PLD5: variants seen among roughly 807,000 people sequenced by gnomAD.
The protein encoded by PLD5 is inactive phospholipase D5.
PLD5 carries 36 observed loss-of-function variants against 61.1 expected under a neutral mutation model. That is an observed-to-expected ratio of 0.59 (90% CI 0.45 to 0.78). The LOEUF (loss-of-function observed/expected upper bound fraction) is 0.78. Ranked by LOEUF, PLD5 falls within the 30% of genes least tolerant of loss-of-function variation. The probability of loss-of-function intolerance (pLI) is 0.00; values close to 1 mark genes in which losing one functional copy is unlikely to be tolerated. For missense variants in PLD5, 515 were observed against 644.4 expected, an observed-to-expected ratio of 0.80 and a Z score of 2.17; for synonymous variants, 243 against 242.8, an observed-to-expected ratio of 1.00 and a Z score of -0.01.
intron 1 of PLD5, among the ~76,000 whole-genome samples, chr1:242,512,876 C>G (rs60152587): frequency 7.5e-6 from 1 of 132,482 alleles, no homozygotes; most frequent in Non-Finnish European, 1.6e-5. Flanking sequence ...TTTATTTTTT[C>G]TTTTTTTTTT....
chr1:242,402,288 A>C (rs12058614), intron 1 of PLD5, among the ~76,000 whole-genome samples: 13,329 of 152,266 alleles, frequency 0.088, 682 homozygotes, highest in Middle Eastern at 0.19. Context: ...CAAGTAAGAC[A>C]CTTTTTATTT....
intron 5 of PLD5, among the ~76,000 whole-genome samples, chr1:242,184,690 A>G (rs1667759755): frequency 6.6e-6 from 1 of 152,186 alleles, no homozygotes; most frequent in Admixed American, 6.5e-5. Flanking sequence ...TGACTCTGAG[A>G]AGTTAAGATT....
chr1:242,301,765 CATT>C (rs543604489), intron 2 of PLD5, among the ~76,000 whole-genome samples: 26 of 141,032 alleles, frequency 1.8e-4, no homozygotes, highest in South Asian at 6.9e-4. Flanking sequence ...TTTTTTAAAA[CATT>C]ATTATTATTA....
intron 1 of PLD5, among the ~76,000 whole-genome samples, chr1:242,475,387 C>T (rs1667561999): frequency 1.5e-5 from 2 of 134,546 alleles, no homozygotes; most frequent in Non-Finnish European, 3.1e-5. Flanking sequence ...TGCGCCACTG[C>T]ACTCCAGCCT....
chr1:242,365,898 A>G (rs1363547310), intron 1 of PLD5: 1 of 152,912 alleles, frequency 6.5e-6, no homozygotes, highest in Non-Finnish European at 1.5e-5. Flanking sequence ...CAAAAAAGAT[A>G]GATAACCCAA....
At position 242,256,857 on chromosome 1, in the gene PLD5, T is replaced by C. The variant is rs945376642; in HGVS notation, c.607+8480A>G. On this transcript the variant is annotated intron_variant, in intron 4 of 9. Transcript: ENST00000536534. This position sits in a 1 kb window ranked among gnomAD's most constrained non-coding sequence, Gnocchi z 5.7. Reference sequence around the variant, plus strand: ...TCTTTCTTTCTGTGTATCTGCCATCTATCTTCCTATCTTCTTTCTTTTCTC... The same window carrying C: ...TCTTTCTTTCTGTGTATCTGCCATCCATCTTCCTATCTTCTTTCTTTTCTC... 7.7e-5 allele frequency among the ~76,000 whole-genome samples: 11 copies of C among 143,234 alleles called. No individual in the cohort carries two copies. The highest frequency in any genetic ancestry group is 2.8e-4 in the African/African-American group (11 of 39,700). 94.0% of individuals were successfully genotyped at this position (143,234 alleles called of 152,430 possible).
chr1:242,321,520 G>A (rs1658409393), intron 2 of PLD5, among the ~76,000 whole-genome samples: 1 of 152,126 alleles, frequency 6.6e-6, no homozygotes, highest in African/African-American at 2.4e-5. Context: ...GGCCAGGCTG[G>A]TCCTGAATTC....
chr1:242,449,077 T>A (rs1476954823), intron 1 of PLD5, among the ~76,000 whole-genome samples: 1 of 152,230 alleles, frequency 6.6e-6, no homozygotes, highest in Non-Finnish European at 1.5e-5. Context: ...GGTTTACATC[T>A]GAGGTCACCG....
intron 1 of PLD5, among the ~76,000 whole-genome samples, chr1:242,422,322 G>A (rs756655338): frequency 2.6e-5 from 4 of 152,142 alleles, no homozygotes; most frequent in Non-Finnish European, 4.4e-5. Flanking sequence ...GCTGCCTCCC[G>A]CACCAGGGTC....
intron 5 of PLD5, among the ~76,000 whole-genome samples, chr1:242,173,322 A>G (rs1310693093): frequency 6.6e-6 from 1 of 152,198 alleles, no homozygotes; most frequent in Non-Finnish European, 1.5e-5. Context: ...AGAATAAAAT[A>G]CCTAGGAATC....
At chr1:242,176,245 A>C (rs370438140) in intron 5 of PLD5, among the ~76,000 whole-genome samples, 34 of 152,098 alleles carry the variant, frequency 2.2e-4, no homozygotes, top group African/African-American at 8.0e-4. Context: ...GACATATAGA[A>C]CAATGGAACA....
intron 2 of PLD5, among the ~76,000 whole-genome samples, chr1:242,332,087 C>T (rs1324779748): frequency 2.0e-5 from 3 of 152,004 alleles, no homozygotes; most frequent in African/African-American, 7.2e-5. Context: ...CTCCCTGTGT[C>T]CATGTGTTCT....
chr1:242,225,378 G>T (rs1670871205), intron 4 of PLD5, among the ~76,000 whole-genome samples: 1 of 146,150 alleles, frequency 6.8e-6, no homozygotes, highest in African/African-American at 2.6e-5. Flanking sequence ...GGTATGGAAT[G>T]CACCACACAT....
chr1:242,130,906 C>T (rs1217760464), intron 5 of PLD5, among the ~76,000 whole-genome samples: 1 of 151,904 alleles, frequency 6.6e-6, no homozygotes, highest in Non-Finnish European at 1.5e-5. Flanking sequence ...ACAAAGTGGG[C>T]ATATTGTTAG....
chr1:242,350,699 C>T (rs1003300931), intron 1 of PLD5, among the ~76,000 whole-genome samples: 4 of 152,124 alleles, frequency 2.6e-5, no homozygotes, highest in African/African-American at 9.7e-5. Context: ...TCAGCCCACA[C>T]GAGTGCTTCA....
chr1:242,503,951 C>T (rs988980100), intron 1 of PLD5, among the ~76,000 whole-genome samples: 2 of 152,138 alleles, frequency 1.3e-5, no homozygotes, highest in Admixed American at 1.3e-4. Context: ...TAAAAGATTG[C>T]TTTACTATTT....
intron 2 of PLD5, among the ~76,000 whole-genome samples, chr1:242,334,293 T>A (rs567853753): frequency 2.6e-5 from 4 of 151,422 alleles, no homozygotes; most frequent in South Asian, 4.2e-4. Flanking sequence ...TCTACTCTCA[T>A]AAAACCTGAA....
intron 1 of PLD5, among the ~76,000 whole-genome samples, chr1:242,414,040 C>A (rs1207757822): frequency 6.6e-6 from 1 of 152,062 alleles, no homozygotes; most frequent in African/African-American, 2.4e-5. Flanking sequence ...GGCAAGGTTG[C>A]AAGCAGAAGT....
chr1:242,475,088 G>A (rs758952562), intron 1 of PLD5, among the ~76,000 whole-genome samples: 4 of 152,192 alleles, frequency 2.6e-5, no homozygotes, highest in Admixed American at 6.5e-5. Context: ...CTCTAAGCAA[G>A]CAGAGGCCAG....
Sources: allele counts gnomAD v4.1 joint callset (sites outside exome capture counted in the v4.1 genomes callset), GRCh38; gene constraint gnomAD v4.1.1; non-coding constraint Gnocchi (gnomAD v3.1); transcripts MANE v1.5; gene names NCBI Gene and HGNC (gene_info 2026-07-23, HGNC 2026-07-21).